Variants in COL23A1 observed in about 807,000 individuals in gnomAD.
COL23A1 encodes the protein collagen type XXIII alpha 1 chain.
In COL23A1, 97 loss-of-function variants were observed where a neutral mutation model predicts 99.3. The ratio of observed to expected loss-of-function variants is 0.98; its 90% confidence interval spans 0.83 to 1.16. COL23A1 has a LOEUF of 1.16. Among genes scored for constraint, COL23A1 ranks in the 50% most tolerant of loss-of-function variants. The pLI, the probability that COL23A1 is intolerant of heterozygous loss-of-function variation, is 0.00. For synonymous variants in COL23A1, 320 were observed against 308.2 expected (o/e 1.04, Z -0.40); for missense variants, 762 against 757.4 (o/e 1.01, Z -0.07).
intron 2 of COL23A1, among the ~76,000 whole-genome samples, chr5:178,372,997 C>T (rs1413387984): frequency 1.3e-5 from 2 of 149,918 alleles, no homozygotes; most frequent in Admixed American, 6.7e-5. Flanking sequence ...TGTGCAATCC[C>T]GGCTCACTGC....
At chr5:178,561,604 G>A (rs1008143302) in intron 1 of COL23A1, among the ~76,000 whole-genome samples, 5 of 152,156 alleles carry the variant, frequency 3.3e-5, no homozygotes, top group African/African-American at 9.7e-5. Flanking sequence ...GCGGAATGAA[G>A]CAATTGGCCC....
Position 178,277,225 on chromosome 5 carries a change from G to T in COL23A1, c.442-6862C>A, listed in dbSNP as rs890049844. Reference sequence around the variant, plus strand: ...TAAAAAAAAAAAAAAAAAAGGTTGGGTGTGGTGGCACATGCCTGTAGCTCC... The same window carrying T: ...TAAAAAAAAAAAAAAAAAAGGTTGGTTGTGGTGGCACATGCCTGTAGCTCC... On this transcript the variant is annotated intron_variant, in intron 5 of 28. Transcript: ENST00000390654. Among the ~76,000 whole-genome samples the T allele has an allele frequency of 3.9e-5, 6 of 151,984 alleles. No individual in the cohort carries two copies. The South Asian group carries it at 1.2e-3, about 31-fold the overall frequency.
chr5:178,448,112 A>C (rs1188773064), intron 2 of COL23A1, among the ~76,000 whole-genome samples: 7 of 152,046 alleles, frequency 4.6e-5, no homozygotes, highest in Admixed American at 4.6e-4. Flanking sequence ...TGCTAGTCAC[A>C]GTCCGTTTTG....
chr5:178,354,416 T>C (rs1254538262), intron 2 of COL23A1, among the ~76,000 whole-genome samples: 1 of 152,050 alleles, frequency 6.6e-6, no homozygotes, highest in African/African-American at 2.4e-5. Context: ...TCTCATGTGA[T>C]ATGGTTTGGA....
chr5:178,241,659 G>A (rs904820643), intron 27 of COL23A1, among the ~76,000 whole-genome samples: 4 of 152,218 alleles, frequency 2.6e-5, no homozygotes, highest in Non-Finnish European at 5.9e-5. Context: ...CCAGGGCACC[G>A]CTGATGGTGC....
intron 2 of COL23A1, among the ~76,000 whole-genome samples, chr5:178,491,668 C>T (rs943700602): frequency 4.6e-5 from 7 of 151,832 alleles, no homozygotes; most frequent in Non-Finnish European, 7.4e-5. Flanking sequence ...CACGTCCCCT[C>T]GAAAGGTGTT....
Position 178,310,814 on chromosome 5 carries a change from T to C in COL23A1, c.362-3895A>G, listed in dbSNP as rs1758630639. Among the ~76,000 whole-genome samples the C allele has an allele frequency of 6.6e-6, 1 of 152,008 alleles. No individual in the cohort carries two copies. On this transcript the variant is annotated intron_variant, in intron 2 of 28. Transcript: ENST00000390654. The surrounding 1 kb of genome is among the most constrained non-coding windows in gnomAD (Gnocchi z 4.3). ...AAGCAAAACCAGGCCTTTGGCCAGG[T>C]GGTTGGCCTCAGAGTTTTTGCTTGT...
rs530023137 is a variant in COL23A1, at chr5:178,280,459, C to A, written c.441+7865G>T. On this transcript the variant is annotated intron_variant, in intron 5 of 28. Transcript: ENST00000390654. The surrounding 1 kb of genome is among the most constrained non-coding windows in gnomAD (Gnocchi z 4.9). ...TGCCTGAGGCCACATGGACTATAGA[C>A]CCCTGGGCCCATTCTGTCTCCACTG... Among the ~76,000 whole-genome samples the A allele has an allele frequency of 3.9e-5, 6 of 152,308 alleles. No individual in the cohort carries two copies. In the East Asian group the frequency reaches 1.2e-3, roughly 29 times the overall value.
intron 2 of COL23A1, among the ~76,000 whole-genome samples, chr5:178,347,837 C>T (rs1299653238): frequency 1.4e-5 from 2 of 146,118 alleles, no homozygotes; most frequent in East Asian, 2.0e-4. Flanking sequence ...GCCGAGATTG[C>T]GCCATTGCAC....
chr5:178,386,449 A>AAAC (rs2127744524), intron 2 of COL23A1, among the ~76,000 whole-genome samples: 1 of 152,204 alleles, frequency 6.6e-6, no homozygotes, highest in East Asian at 1.9e-4. Flanking sequence ...CAAAAAAAAA[A>AAAC]AACGCAATAC....
chr5:178,319,073 G>A (rs920527579), intron 2 of COL23A1, among the ~76,000 whole-genome samples: 2 of 152,166 alleles, frequency 1.3e-5, no homozygotes, highest in African/African-American at 4.8e-5. Context: ...CCATGGTGCA[G>A]GCTGTGTCGG....
At chr5:178,346,762 G>A (rs1371047028) in intron 2 of COL23A1, among the ~76,000 whole-genome samples, 3 of 152,118 alleles carry the variant, frequency 2.0e-5, no homozygotes, top group Non-Finnish European at 2.9e-5. Context: ...CTGCATTTAC[G>A]TAGCAACAGC....
chr5:178,266,086 G>A (rs1755880085), intron 8 of COL23A1, among the ~76,000 whole-genome samples: 1 of 152,110 alleles, frequency 6.6e-6, no homozygotes, highest in South Asian at 2.1e-4. Context: ...TGTCACCCAG[G>A]CTGCAGTGCT....
intron 2 of COL23A1, among the ~76,000 whole-genome samples, chr5:178,475,340 A>G (rs1756971584): frequency 1.3e-5 from 2 of 152,118 alleles, no homozygotes; most frequent in Non-Finnish European, 2.9e-5. Context: ...CATGTCCAGG[A>G]GGGCCTCTTG....
In COL23A1 at chr5:178,261,714, G is replaced by T. The variant is rs370091812; in HGVS notation, c.702+8C>A. The T allele has an allele frequency of 1.0e-5, 16 of 1,607,000 alleles. No individual in the cohort carries two copies. In the East Asian group the frequency reaches 1.8e-4, roughly 18 times the overall value. On this transcript the variant is annotated splice_region_variant and intron_variant, in intron 11 of 28. Transcript: ENST00000390654. ...TGGGGAGGGGCATGGGGAATAAGGA[G>T]TACTCACCTTGGGCCCTGGGGGTCC...
At chr5:178,311,508 G>A (rs113418409) in intron 2 of COL23A1, among the ~76,000 whole-genome samples, 1 of 8,468 alleles carries the variant, frequency 1.2e-4, no homozygotes, top group Admixed American at 7.7e-4. Context: ...GTGTGTGTGC[G>A]CGTGTGTGTG....
At chr5:178,297,229 T>C (rs2127593449) in intron 3 of COL23A1, among the ~76,000 whole-genome samples, 1 of 152,320 alleles carries the variant, frequency 6.6e-6, no homozygotes, top group East Asian at 1.9e-4. Flanking sequence ...TCCAAAGATG[T>C]CAAAGACAAG....
intron 2 of COL23A1, among the ~76,000 whole-genome samples, chr5:178,357,807 T>A (rs1761770490): frequency 6.7e-6 from 1 of 148,770 alleles, no homozygotes. Context: ...TGTGTGTGTG[T>A]ATGTGTGTAT....
chr5:178,471,088 G>A (rs1407224427), intron 2 of COL23A1, among the ~76,000 whole-genome samples: 1 of 152,194 alleles, frequency 6.6e-6, no homozygotes, highest in Non-Finnish European at 1.5e-5. Context: ...GTATTGGTCA[G>A]GTCCCTGCAG....
Sources: gnomAD v4.1 joint callset for allele counts (sites outside exome capture counted in the v4.1 genomes callset) on GRCh38, gnomAD v4.1.1 for gene constraint, Gnocchi (gnomAD v3.1) non-coding constraint, MANE v1.5 for transcripts, NCBI Gene and HGNC (gene_info 2026-07-23, HGNC 2026-07-21) for gene names.